Variants in NTPCR observed in about 807,000 individuals in gnomAD.
The protein encoded by NTPCR is cancer-related nucleoside-triphosphatase.
Under a neutral mutation model 19.5 loss-of-function variants are expected in NTPCR, and 15 were observed. The ratio of observed to expected loss-of-function variants is 0.77; its 90% CI spans 0.51 to 1.18. The LOEUF is 1.18. NTPCR is among the 50% of genes most tolerant of loss of function. NTPCR has a pLI of 0.00. For missense variants in NTPCR, 206 were observed against 240.4 expected, an observed-to-expected ratio of 0.86 and a Z score of 0.95; for synonymous variants, 90 against 95.8, an observed-to-expected ratio of 0.94 and a Z score of 0.36.
intron 3 of NTPCR, chr1:232,965,109 C>T (rs559631459): frequency 5.9e-5 from 9 of 152,168 alleles, no homozygotes; most frequent in South Asian, 2.1e-4. Context: ...GAGTTATTTT[C>T]GAGTAATTTA....
At chr1:232,963,616 A>G (rs1228310414) in intron 3 of NTPCR, 2 of 152,142 alleles carry the variant, frequency 1.3e-5, no homozygotes, top group Non-Finnish European at 2.9e-5. Context: ...ATTAGGAGGA[A>G]GTTCATACGG....
intron 4 of NTPCR, among the ~76,000 whole-genome samples, chr1:232,972,918 A>G (rs1669022935): frequency 6.6e-6 from 1 of 152,208 alleles, no homozygotes; most frequent in Non-Finnish European, 1.5e-5. Flanking sequence ...ACCATGGGGC[A>G]ATCAAAATCT....
intron 3 of NTPCR, among the ~76,000 whole-genome samples, chr1:232,958,981 T>C (rs1668592961): frequency 6.6e-6 from 1 of 152,208 alleles, no homozygotes; most frequent in Non-Finnish European, 1.5e-5. Context: ...AAATCTGTTT[T>C]TTAATTAAAA....
rs1669253154 is a variant in NTPCR, at chr1:232,980,463, C to T, written c.*2232C>T. 6.6e-6 allele frequency: 1 copy of T among 152,098 alleles called. No homozygotes were observed. Among genetic ancestry groups the T allele is most frequent in the African/African-American group, 2.4e-5 (1 of 41,394 alleles). 9.4% of individuals were successfully genotyped at this position (152,098 alleles called of 1,614,324 possible). A position where few individuals can be genotyped will look rare whatever the true frequency, so the allele number is the denominator to read the frequency against. On this transcript the variant is annotated 3_prime_UTR_variant, in exon 5 of 5. Transcript: ENST00000366628. ...TTAGCATTTTTAGTGTGTTTTGTGC[C>T]CCCAGACCTCAGAGTTGACATTTAG...
chr1:232,955,943 A>G (rs1201984931), intron 2 of NTPCR, among the ~76,000 whole-genome samples: 1 of 152,188 alleles, frequency 6.6e-6, no homozygotes, highest in Non-Finnish European at 1.5e-5. Flanking sequence ...GGGATTTCTC[A>G]GAGAAAGAAA....
In NTPCR at chr1:232,981,713, CTCTT is replaced by C. The variant is rs1294250333; in HGVS notation, c.*3484_*3487del. 3.5e-5 allele frequency: 5 copies of C among 143,494 alleles called. No homozygotes were observed. The highest frequency in any genetic ancestry group is 4.1e-4 in the East Asian group (2 of 4,864). 8.9% of individuals were successfully genotyped at this position (143,494 alleles called of 1,614,324 possible). A position where few individuals can be genotyped will look rare whatever the true frequency, so the allele number is the denominator to read the frequency against. On this transcript the variant is annotated 3_prime_UTR_variant, in exon 5 of 5. Transcript: ENST00000366628. ...ACCATTTTGATCTGTGTCCAAATAA[CTCTT>C]TTTTTTTTTTTTTTTTTTGAGACAG...
chr1:232,969,394 G>A (rs1483512155), intron 3 of NTPCR: 1 of 155,252 alleles, frequency 6.4e-6, no homozygotes, highest in Non-Finnish European at 1.4e-5. Flanking sequence ...GCAAGCATGG[G>A]AGCCTTTGTT....
At chr1:232,953,363 T>C (rs529082939) in intron 1 of NTPCR, among the ~76,000 whole-genome samples, 32 of 152,286 alleles carry the variant, frequency 2.1e-4, no homozygotes, top group African/African-American at 5.5e-4. Flanking sequence ...CCAGACAGCA[T>C]TGGGGTAGCA....
intron 3 of NTPCR, chr1:232,967,327 C>T (rs1668849532): frequency 6.6e-6 from 1 of 152,186 alleles, no homozygotes; most frequent in African/African-American, 2.4e-5. Flanking sequence ...TGACATCTTT[C>T]TCTCAACTGA....
intron 3 of NTPCR, among the ~76,000 whole-genome samples, chr1:232,960,333 GTTTCTT>G (rs1277196282): frequency 6.7e-6 from 1 of 148,994 alleles, no homozygotes; most frequent in African/African-American, 2.5e-5. Context: ...TATGTTTCTT[GTTTCTT>G]TTTCTTTTCC....
At chr1:232,961,215 T>A (rs1208232843) in intron 3 of NTPCR, among the ~76,000 whole-genome samples, 1 of 152,240 alleles carries the variant, frequency 6.6e-6, no homozygotes, top group East Asian at 1.9e-4. Context: ...CCATTGTAAG[T>A]AACCTTGCAA....
intron 3 of NTPCR, chr1:232,965,751 G>A: frequency 6.6e-6 from 1 of 152,282 alleles, no homozygotes; most frequent in South Asian, 2.1e-4. Context: ...CTGTCAGCCA[G>A]GAGGTGTTGT....
intron 3 of NTPCR, among the ~76,000 whole-genome samples, chr1:232,959,448 G>T (rs1279468719): frequency 1.3e-5 from 2 of 152,100 alleles, no homozygotes; most frequent in Non-Finnish European, 2.9e-5. Flanking sequence ...ACTAATATAG[G>T]ATTCTCACCC....
chr1:232,957,228 T>C (rs1668536411), intron 3 of NTPCR, among the ~76,000 whole-genome samples: 1 of 152,230 alleles, frequency 6.6e-6, no homozygotes, highest in East Asian at 1.9e-4. Context: ...TAGGAAGTGT[T>C]TCCTTCTTTT....
rs1043989539 is a variant in NTPCR, at chr1:232,983,132, T to C, written c.*4901T>C. The C allele has an allele frequency of 1.3e-5, 2 of 152,158 alleles. No homozygotes were observed. Among genetic ancestry groups the C allele is most frequent in the African/African-American group, 4.8e-5 (2 of 41,442 alleles). 9.4% of individuals were successfully genotyped at this position (152,158 alleles called of 1,614,324 possible). ...CCAAGGGGCAAGAGATTCTCTACAATACCCTTCCCCCAACCCTCTCCTCAA... is the reference window on the plus strand; with the variant it reads ...CCAAGGGGCAAGAGATTCTCTACAACACCCTTCCCCCAACCCTCTCCTCAA... On this transcript the variant is annotated 3_prime_UTR_variant, in exon 5 of 5. Coordinates refer to ENST00000366628, the MANE Select transcript of NTPCR (RefSeq NM_032324.3).
chr1:232,972,570 C>T (rs946833047), intron 4 of NTPCR, among the ~76,000 whole-genome samples: 4 of 152,178 alleles, frequency 2.6e-5, no homozygotes, highest in Non-Finnish European at 5.9e-5. Flanking sequence ...GGACTACAGG[C>T]ATGTGCCACC....
intron 3 of NTPCR, among the ~76,000 whole-genome samples, chr1:232,959,094 A>C (rs1422549053): frequency 6.6e-6 from 1 of 152,112 alleles, no homozygotes; most frequent in African/African-American, 2.4e-5. Context: ...ATTTGATATG[A>C]TTTGGCTCTG....
At chr1:232,953,934 A>G (rs545331408) in intron 1 of NTPCR, among the ~76,000 whole-genome samples, 1 of 152,304 alleles carries the variant, frequency 6.6e-6, no homozygotes, top group South Asian at 2.1e-4. Flanking sequence ...TTCCCTTACA[A>G]TCAACATTTA....
chr1:232,973,808 A>G (rs1669053645), intron 4 of NTPCR, among the ~76,000 whole-genome samples: 1 of 152,272 alleles, frequency 6.6e-6, no homozygotes, highest in Non-Finnish European at 1.5e-5. Context: ...TCATCAGCAG[A>G]ATAGAGATGA....
Sources: allele counts gnomAD v4.1 joint callset (sites outside exome capture counted in the v4.1 genomes callset), GRCh38; gene constraint gnomAD v4.1.1; transcripts MANE v1.5; gene names NCBI Gene and HGNC (gene_info 2026-07-23, HGNC 2026-07-21).